Variants in ZKSCAN8 observed in about 807,000 individuals in gnomAD.
The protein encoded by ZKSCAN8 is zinc finger protein with KRAB and SCAN domains 8.
In ZKSCAN8, 27 loss-of-function variants were observed where a neutral mutation model predicts 57.2. The observed-to-expected ratio is 0.47, with a 90% CI of 0.35 to 0.65. ZKSCAN8 has a LOEUF of 0.65. ZKSCAN8 is among the 30% of genes least tolerant of loss of function. The pLI is 0.01. For synonymous variants in ZKSCAN8, 214 were observed against 248.7 expected (o/e 0.86, Z 1.31); for missense variants, 597 against 696.3 (o/e 0.86, Z 1.60).
In ZKSCAN8 at chr6:28,148,467, G is replaced by A. The variant is rs1765477012; in HGVS notation, c.60G>A (p.Glu20=). Residue 20 remains glutamate (E), a synonymous_variant, in exon 2 of 6, where the codon GAG becomes GAA. Transcript: ENST00000330236. ...CCCCACCAGACCAGACTCCTGAAGA[G>A]GATCTTGTAATCGTCAAGGTAGAGG... ...APSPPDQTPE[E]DLVIVKVEED... is the part of the protein sequence containing the mutation. The A allele has an allele frequency of 1.9e-6, 3 of 1,614,152 alleles. No individual in the cohort carries two copies. Among genetic ancestry groups the A allele is most frequent in the Non-Finnish European group, 2.5e-6 (3 of 1,180,022 alleles).
In ZKSCAN8 at chr6:28,158,018, A is replaced by G. The variant is rs941740778; in HGVS notation, c.*4001A>G. Reference sequence around the variant, plus strand: ...TTTGATTTTTCAACCCCCCTTTTTCATTAATCTGTTCTTAAAACTTCTTTT... The same window carrying G: ...TTTGATTTTTCAACCCCCCTTTTTCGTTAATCTGTTCTTAAAACTTCTTTT... On this transcript the variant is annotated 3_prime_UTR_variant, in exon 6 of 6. Transcript: ENST00000330236. 2.0e-5 allele frequency: 3 copies of G among 151,850 alleles called. No homozygotes were observed. The highest frequency in any genetic ancestry group is 7.3e-5 in the African/African-American group (3 of 41,316). The allele number at this position is 151,850 out of a possible 1,614,324, so 9.4% of individuals were successfully genotyped here.
intron 2 of ZKSCAN8, 116 bp downstream of exon 2, chr6:28,148,940 A>G: frequency 8.3e-7 from 1 of 1,208,616 alleles, no homozygotes; most frequent in Non-Finnish European, 1.1e-6. Flanking sequence ...TTGGATAAGG[A>G]TGACAATAGT....
chr6:28,152,051 CA>C, intron 4 of ZKSCAN8, 115 bp downstream of exon 4: 1 of 1,402,182 alleles, frequency 7.1e-7, no homozygotes, highest in Non-Finnish European at 9.7e-7. Context: ...AAAGTTGTCC[CA>C]AAAATTCTTT....
chr6:28,156,040 CTG>C lies in ZKSCAN8; in HGVS notation c.*2027_*2028del. 1 of 397,636 alleles carries C rather than the reference CTG, an allele frequency of 2.5e-6. No homozygotes were observed. Among genetic ancestry groups the C allele is most frequent in the Non-Finnish European group, 4.4e-6 (1 of 225,462 alleles). 24.6% of individuals were successfully genotyped at this position (397,636 alleles called of 1,614,324 possible). On this transcript the variant is annotated 3_prime_UTR_variant, in exon 6 of 6. Coordinates refer to ENST00000330236, the MANE Select transcript of ZKSCAN8 (RefSeq NM_006298.4). ...ATCTGGTTGTATCTAGATCTTTGCT[CTG>C]TGTTTCAGTTGTGCCTTACCCTCTG...
chr6:28,152,016 C>G, intron 4 of ZKSCAN8, 80 bp downstream of exon 4: 1 of 1,527,916 alleles, frequency 6.5e-7, no homozygotes, highest in Non-Finnish European at 9.0e-7. Flanking sequence ...TCTTGACTGT[C>G]TAGTTTGTAG....
In ZKSCAN8 at chr6:28,158,093, G is replaced by A. The variant is rs570174692; in HGVS notation, c.*4076G>A. The A allele has an allele frequency of 2.6e-5, 4 of 152,116 alleles. No homozygotes were observed. In the East Asian group the frequency reaches 7.7e-4, roughly 29 times the overall value. The allele number at this position is 152,116 out of a possible 1,614,324, so 9.4% of individuals were successfully genotyped here. ...CAGTGAAATGTTCTTAGACTCACCA[G>A]TGGACAAATAATAAGGCCTTTTTTT... On this transcript the variant is annotated 3_prime_UTR_variant, in exon 6 of 6. Coordinates refer to ENST00000330236, the MANE Select transcript of ZKSCAN8 (RefSeq NM_006298.4).
rs191739079 is a variant in ZKSCAN8, at chr6:28,154,032, A to G, written c.*15A>G. 3 of 1,569,260 alleles carry G rather than the reference A, an allele frequency of 1.9e-6. No homozygotes were observed. The Admixed American group carries it at 5.6e-5, about 29-fold the overall frequency. Reference sequence around the variant, plus strand: ...TAAGCGTTTAGGAACAACATCAGTTAGAGTTTGAGCATTATTCAGCATTAG... The same window carrying G: ...TAAGCGTTTAGGAACAACATCAGTTGGAGTTTGAGCATTATTCAGCATTAG... On this transcript the variant is annotated 3_prime_UTR_variant, in exon 6 of 6. Coordinates refer to ENST00000330236, the MANE Select transcript of ZKSCAN8 (RefSeq NM_006298.4).
In ZKSCAN8 at chr6:28,158,205, A is replaced by T. The variant is rs1157235530; in HGVS notation, c.*4188A>T. On this transcript the variant is annotated 3_prime_UTR_variant, in exon 6 of 6. Coordinates refer to ENST00000330236, the MANE Select transcript of ZKSCAN8 (RefSeq NM_006298.4). ...TTGGCTTGTGGGATCCTTTTTCTCT[A>T]ATATCTGTCTTTCTTTTTTTAGTTG... The T allele has an allele frequency of 6.7e-6, 1 of 150,318 alleles. No individual in the cohort carries two copies. The highest frequency in any genetic ancestry group is 2.5e-5 in the African/African-American group (1 of 40,804). The allele number at this position is 150,318 out of a possible 1,614,324, so 9.3% of individuals were successfully genotyped here.
At chr6:28,143,829 AATT>A (rs1227733345) in intron 1 of ZKSCAN8, among the ~76,000 whole-genome samples, 11 of 152,226 alleles carry the variant, frequency 7.2e-5, no homozygotes, top group Admixed American at 6.5e-4. Flanking sequence ...TGAAAAATTA[AATT>A]ATTTTAAAAT....
chr6:28,149,578 G>A lies in ZKSCAN8; in HGVS notation c.513G>A (p.Glu171=). Residue 171 remains glutamate (E), a synonymous_variant, in exon 3 of 6, where the codon GAG becomes GAA. Transcript: ENST00000330236. ...CTCCAAATACTCAGCTCCAATCTGA[G>A]GCAACCCAACATAAATCTCCAGTGC... The part of the protein sequence containing the change: ...PEPPNTQLQS[E]ATQHKSPVPQ... 6.2e-7 allele frequency: 1 copy of A among 1,614,014 alleles called. No homozygotes were observed.
intron 1 of ZKSCAN8, among the ~76,000 whole-genome samples, chr6:28,147,771 G>A (rs1765443931): frequency 6.6e-6 from 1 of 152,170 alleles, no homozygotes; most frequent in Admixed American, 6.5e-5. Flanking sequence ...CCATAGTAGA[G>A]GAAGTTAACC....
intron 4 of ZKSCAN8, 85 bp from the exon 5 acceptor site, chr6:28,152,176 C>T: frequency 2.0e-6 from 3 of 1,530,756 alleles, no homozygotes; most frequent in Non-Finnish European, 2.6e-6. Context: ...TAATTCTCTC[C>T]CAATACTGGT....
Position 28,154,161 on chromosome 6 carries a change from C to G in ZKSCAN8, c.*144C>G. 1 of 1,278,398 alleles carries G rather than the reference C, an allele frequency of 7.8e-7. No homozygotes were observed. The highest frequency in any genetic ancestry group is 1.6e-5 in the South Asian group (1 of 61,280). The allele number at this position is 1,278,398 out of a possible 1,614,324, so 79.2% of individuals were successfully genotyped here. A position where few individuals can be genotyped will look rare whatever the true frequency, so the allele number is the denominator to read the frequency against. On this transcript the variant is annotated 3_prime_UTR_variant, in exon 6 of 6. Transcript: ENST00000330236. Reference sequence around the variant, plus strand: ...TAGTGGTGGCAAAGTTAGGATAGCTCTTTAGTAATTTGGGCCCAGTGCCTT... The same window carrying G: ...TAGTGGTGGCAAAGTTAGGATAGCTGTTTAGTAATTTGGGCCCAGTGCCTT...
chr6:28,143,565 G>A (rs1765290189), intron 1 of ZKSCAN8, among the ~76,000 whole-genome samples: 1 of 152,152 alleles, frequency 6.6e-6, no homozygotes, highest in Admixed American at 6.5e-5. Flanking sequence ...AACATAGTGA[G>A]ACCCTGTCCC....
chr6:28,153,228 C>T lies in ZKSCAN8; in HGVS notation c.948C>T (p.Pro316=), dbSNP rs761238207. 1 of 1,614,202 alleles carries T rather than the reference C, an allele frequency of 6.2e-7. No individual in the cohort carries two copies. Among genetic ancestry groups the T allele is most frequent in the South Asian group, 1.1e-5 (1 of 91,090 alleles). ...GATTAGAGAGGCAGCGGGGAAATCC[C>T]ACACAAGAGAGACGACATAAATGTG... is the stretch of plus-strand genomic sequence containing the variant. ...LGRLERQRGN[P]TQERRHKCDE... Residue 316 remains proline, a synonymous_variant, in exon 6 of 6, where the codon CCC becomes CCT. Coordinates refer to ENST00000330236, the MANE Select transcript of ZKSCAN8 (RefSeq NM_006298.4).
intron 2 of ZKSCAN8, among the ~76,000 whole-genome samples, chr6:28,149,048 C>G (rs918709980): frequency 6.6e-6 from 1 of 152,058 alleles, no homozygotes; most frequent in African/African-American, 2.4e-5. Context: ...CTGTATTGTT[C>G]TTGTTTGCCA....
In ZKSCAN8 at chr6:28,153,564, C is replaced by G; in HGVS notation, c.1284C>G (p.His428Gln). The change falls in exon 6 of 6, where the codon CAC becomes CAG. Residue 428 changes from histidine (H) to glutamine (Q), a missense_variant. Coordinates refer to ENST00000330236, the MANE Select transcript of ZKSCAN8 (RefSeq NM_006298.4). ...GCCTTATTCTGCACCAGAGAATCCACAGTGGAGAGAGACCCTATGAATGTA... is the reference window on the plus strand; with the variant it reads ...GCCTTATTCTGCACCAGAGAATCCAGAGTGGAGAGAGACCCTATGAATGTA... ...SAGLILHQRI[H>Q]SGERPYECNE... 1 of 1,614,100 alleles carries G rather than the reference C, an allele frequency of 6.2e-7. No individual in the cohort carries two copies. The highest frequency in any genetic ancestry group is 8.5e-7 in the Non-Finnish European group (1 of 1,180,026).
rs1180682555 is a variant in ZKSCAN8, at chr6:28,151,915, A to G, written c.630A>G (p.Thr210=). ...GSSGDQEMTA[T]LLTAGFQTLE... is the part of the protein sequence containing the mutation. The stretch of plus-strand genomic sequence containing the variant: ...CTGGAGACCAGGAAATGACAGCTAC[A>G]CTTCTCACAGCAGGGTTCCAGGTGA... The change falls in exon 4 of 6, where the codon ACA becomes ACG. Residue 210 remains threonine (T), a synonymous_variant. Transcript: ENST00000330236. 16 of 1,614,060 alleles carry G rather than the reference A, an allele frequency of 9.9e-6. No homozygotes were observed. Among genetic ancestry groups the G allele is most frequent in the Non-Finnish European group, 1.4e-5 (16 of 1,179,984 alleles).
rs1053443256 is a variant in ZKSCAN8, at chr6:28,152,003, A to G, written c.651+67A>G. On this transcript the variant is annotated intron_variant, in intron 4 of 5. Coordinates refer to ENST00000330236, the MANE Select transcript of ZKSCAN8 (RefSeq NM_006298.4). ...TGTCAGTGTTTGTGGCATCTGCCCT[A>G]TATCTTGACTGTCTAGTTTGTAGCA... 6.4e-6 allele frequency: 10 copies of G among 1,560,084 alleles called. No individual in the cohort carries two copies. The African/African-American group carries it at 8.1e-5, about 13-fold the overall frequency.
Sources: allele counts gnomAD v4.1 joint callset (sites outside exome capture counted in the v4.1 genomes callset), GRCh38; gene constraint gnomAD v4.1.1; transcripts MANE v1.5; gene names NCBI Gene and HGNC (gene_info 2026-07-23, HGNC 2026-07-21).